The following PFKFB4 variants were observed in gnomAD, a reference collection of about 807,000 sequenced individuals.
The protein encoded by PFKFB4 is 6-phosphofructo-2-kinase/fructose-2,6-bisphosphatase 4.
In PFKFB4, 42 loss-of-function variants were observed where a neutral mutation model predicts 62.8. The ratio of observed to expected loss-of-function variants is 0.67; its 90% CI spans 0.52 to 0.86. The LOEUF (loss-of-function observed/expected upper bound fraction) is 0.86, where lower values mean the gene tolerates loss of function less well. PFKFB4 is among the 40% of genes least tolerant of loss of function. The pLI, the probability that PFKFB4 is intolerant of heterozygous loss-of-function variation, is 0.00. For missense variants in PFKFB4, 475 were observed against 627.2 expected, an observed-to-expected ratio of 0.76 and a Z score of 2.59; for synonymous variants, 204 against 240.7, an observed-to-expected ratio of 0.85 and a Z score of 1.41.
In PFKFB4 at chr3:48,519,762, C is replaced by T. The variant is rs1292133897; in HGVS notation, c.1395G>A (p.Val465=). 3.7e-6 allele frequency: 6 copies of T among 1,613,208 alleles called. No homozygotes were observed. In the South Asian group the frequency reaches 4.4e-5, roughly 12 times the overall value. ...ATGAACATGGTCACTGGTGAGCAGG[C>T]ACCGTGACAAGGGCTTCCTCTGGAG... is the stretch of plus-strand genomic sequence containing the variant. ...SRPPEEALVT[V]PAHQ The change falls in exon 14 of 14, where the codon GTG becomes GTA. Residue 465 remains valine, a synonymous_variant. Coordinates refer to ENST00000232375, the MANE Select transcript of PFKFB4 (RefSeq NM_004567.4).
chr3:48,559,062 A>G (rs1380340022), upstream of PFKFB4, among the ~76,000 whole-genome samples: 1 of 152,118 alleles, frequency 6.6e-6, no homozygotes, highest in Non-Finnish European at 1.5e-5. Flanking sequence ...CTGGGATGCT[A>G]ATCAAGGGCT....
At chr3:48,535,941 G>T (rs911885673) in intron 8 of PFKFB4, among the ~76,000 whole-genome samples, 1 of 152,198 alleles carries the variant, frequency 6.6e-6, no homozygotes, top group African/African-American at 2.4e-5. Flanking sequence ...CGTGACCACT[G>T]AGGTCTCCCC....
rs1326920435 is a variant in PFKFB4 at position 48,517,991 on chromosome 3, G to A, written c.*1756C>T. The A allele has an allele frequency of 6.6e-6, 1 of 152,316 alleles. No homozygotes were observed. Among genetic ancestry groups the A allele is most frequent in the Admixed American group, 6.5e-5 (1 of 15,290 alleles). The allele number at this position is 152,316 out of a possible 1,614,324, so 9.4% of individuals were successfully genotyped here. On this transcript the variant is annotated 3_prime_UTR_variant, in exon 14 of 14. Coordinates refer to ENST00000232375, the MANE Select transcript of PFKFB4 (RefSeq NM_004567.4). Reference sequence around the variant, plus strand: ...TCCCCTCTGTACACAGAGAGAAAAGGCCTCGGTGGTCTCACCTCAGATGAC... The same window carrying A: ...TCCCCTCTGTACACAGAGAGAAAAGACCTCGGTGGTCTCACCTCAGATGAC...
intron 3 of PFKFB4, among the ~76,000 whole-genome samples, chr3:48,544,307 T>G (rs1320388003): frequency 6.6e-6 from 1 of 152,168 alleles, no homozygotes; most frequent in Non-Finnish European, 1.5e-5. Flanking sequence ...TGCTCAACTT[T>G]CTTTCCTGAA....
At chr3:48,552,913 T>C (rs887057269) in intron 1 of PFKFB4, among the ~76,000 whole-genome samples, 1 of 152,066 alleles carries the variant, frequency 6.6e-6, no homozygotes, top group African/African-American at 2.4e-5. Context: ...GGCAATAAAT[T>C]ACCTATCTCC....
chr3:48,531,463 G>A (rs1204011981), intron 9 of PFKFB4, among the ~76,000 whole-genome samples: 7 of 148,878 alleles, frequency 4.7e-5, no homozygotes, highest in African/African-American at 1.7e-4. Flanking sequence ...ATTTTGAGAG[G>A]GAGTTTTGCT....
intron 9 of PFKFB4, among the ~76,000 whole-genome samples, chr3:48,527,144 C>T (rs1489782614): frequency 2.0e-5 from 3 of 152,016 alleles, no homozygotes; most frequent in Non-Finnish European, 4.4e-5. Context: ...AGCATGGCCC[C>T]GCTGACGCCT....
intron 3 of PFKFB4, among the ~76,000 whole-genome samples, chr3:48,546,738 A>G (rs900290215): frequency 2.6e-5 from 4 of 152,206 alleles, no homozygotes; most frequent in Non-Finnish European, 4.4e-5. Context: ...TACAAACAAC[A>G]TGGTTTATGT....
At chr3:48,546,133 CT>C (rs1560173667) in intron 3 of PFKFB4, among the ~76,000 whole-genome samples, 1 of 152,194 alleles carries the variant, frequency 6.6e-6, no homozygotes, top group East Asian at 1.9e-4. Flanking sequence ...ACATGTAAAT[CT>C]GTGAGTGTAC....
At position 48,519,003 on chromosome 3, in the gene PFKFB4, G is replaced by C. The variant is rs556718960; in HGVS notation, c.*744C>G. On this transcript the variant is annotated 3_prime_UTR_variant, in exon 14 of 14. Coordinates refer to ENST00000232375, the MANE Select transcript of PFKFB4 (RefSeq NM_004567.4). ...CCTGAAGGGGCACCCCTGGCCACCA[G>C]CTCCCCTAAGCATACCTAAGTAGCC... 1 of 152,398 alleles carries C rather than the reference G, an allele frequency of 6.6e-6. No individual in the cohort carries two copies. Among genetic ancestry groups the C allele is most frequent in the Non-Finnish European group, 1.5e-5 (1 of 68,074 alleles). The allele number at this position is 152,398 out of a possible 1,614,324, so 9.4% of individuals were successfully genotyped here.
intron 9 of PFKFB4, among the ~76,000 whole-genome samples, chr3:48,532,268 C>A (rs933947904): frequency 2.0e-5 from 3 of 152,198 alleles, no homozygotes; most frequent in African/African-American, 7.2e-5. Context: ...TGAGATCATG[C>A]CACTGCCCTC....
At chr3:48,551,752 T>C (rs1293740877) in intron 1 of PFKFB4, among the ~76,000 whole-genome samples, 1 of 151,094 alleles carries the variant, frequency 6.6e-6, no homozygotes, top group Admixed American at 6.6e-5. Flanking sequence ...ATTATGTTAG[T>C]CAGGCTGGTC....
intron 4 of PFKFB4, among the ~76,000 whole-genome samples, chr3:48,541,253 G>A (rs894059407): frequency 4.0e-5 from 6 of 151,794 alleles, no homozygotes; most frequent in Admixed American, 2.0e-4. Context: ...TCAGCCTCCC[G>A]AGTAGCTGGG....
upstream of PFKFB4, chr3:48,562,577 A>T: frequency 1.7e-6 from 1 of 592,010 alleles, no homozygotes; most frequent in Non-Finnish European, 2.9e-6. This position sits in a 1 kb window ranked among gnomAD's most constrained non-coding sequence, Gnocchi z 4.3. Flanking sequence ...CAGGCTGTCC[A>T]GACACACTGT....
At chr3:48,533,064 G>T in intron 9 of PFKFB4, among the ~76,000 whole-genome samples, 1 of 152,088 alleles carries the variant, frequency 6.6e-6, no homozygotes, top group East Asian at 1.9e-4. Context: ...TTAGAGATGG[G>T]GTCTCACTAT....
intron 4 of PFKFB4, among the ~76,000 whole-genome samples, chr3:48,540,043 A>G (rs2042752232): frequency 6.6e-6 from 1 of 152,240 alleles, no homozygotes; most frequent in Admixed American, 6.5e-5. Context: ...CCCGTGGCAC[A>G]GAAGAACCTA....
At chr3:48,561,752 T>C (rs1417775475), upstream of PFKFB4, 1 of 145,784 alleles carries the variant, frequency 6.9e-6, no homozygotes, top group African/African-American at 2.7e-5. This position sits in a 1 kb window ranked among gnomAD's most constrained non-coding sequence, Gnocchi z 5.2. Context: ...TTTGTGTTTA[T>C]TGAGCACCTC....
In PFKFB4 at chr3:48,539,761, G is replaced by T. The variant is rs1210878344; in HGVS notation, c.389C>A (p.Ala130Asp). 6.2e-7 allele frequency: 1 copy of T among 1,614,054 alleles called. No individual in the cohort carries two copies. Among genetic ancestry groups the T allele is most frequent in the Non-Finnish European group, 8.5e-7 (1 of 1,179,896 alleles). Residue 130 changes from alanine (A) to aspartate (D), a missense_variant, in exon 5 of 14, where the codon GCC becomes GAC. Coordinates refer to ENST00000232375, the MANE Select transcript of PFKFB4 (RefSeq NM_004567.4). ...EEGGHVAVFD[A>D]TNTTRERRAT... ...TCTCCGTTCTCGGGTGGTGTTTGTG[G>T]CATCAAAAACCTAGGACCAAACTAG...
At chr3:48,532,553 G>A (rs1438176333) in intron 9 of PFKFB4, among the ~76,000 whole-genome samples, 1 of 152,162 alleles carries the variant, frequency 6.6e-6, no homozygotes, top group East Asian at 1.9e-4. Context: ...GCCTTAGAAA[G>A]GAAGAAAATT....
Sources: allele counts gnomAD v4.1 joint callset (sites outside exome capture counted in the v4.1 genomes callset), GRCh38; gene constraint gnomAD v4.1.1; non-coding constraint Gnocchi (gnomAD v3.1); transcripts MANE v1.5; gene names NCBI Gene and HGNC (gene_info 2026-07-23, HGNC 2026-07-21).